Variants in KIRREL1 observed in about 807,000 individuals in gnomAD.
KIRREL1 encodes the protein kirre like nephrin family adhesion molecule 1.
In KIRREL1, 25 loss-of-function variants were observed where a neutral mutation model predicts 83.3. That is an observed-to-expected ratio of 0.30 (90% CI 0.22 to 0.42). The LOEUF (loss-of-function observed/expected upper bound fraction) is 0.42, where lower values mean the gene tolerates loss of function less well. Among genes scored for constraint, KIRREL1 ranks in the 10% least tolerant of loss-of-function variants. The probability of loss-of-function intolerance (pLI) is 1.00; values close to 1 mark genes in which losing one functional copy is unlikely to be tolerated. For missense variants in KIRREL1, 812 were observed against 1,032.3 expected (o/e 0.79, Z 2.92); for synonymous variants, 388 against 410.4 (o/e 0.95, Z 0.66).
chr1:158,088,100 G>A lies in KIRREL1; in HGVS notation c.862G>A (p.Glu288Lys). The A allele has an allele frequency of 6.2e-7, 1 of 1,614,198 alleles. No individual in the cohort carries two copies. The highest frequency in any genetic ancestry group is 1.3e-5 in the African/African-American group (1 of 75,044). The change falls in exon 7 of 15, where the codon GAG becomes AAG. Residue 288 changes from glutamate (E) to lysine (K), a missense_variant. Physicochemically the swap from Glu to Lys is moderately conservative, Grantham distance 56 (BLOSUM62 1). This residue lies in a region of KIRREL1 where 472 missense variants were observed against 626.8 expected (regional missense o/e 0.75). Coordinates refer to ENST00000359209, the MANE Select transcript of KIRREL1 (RefSeq NM_018240.7). ...YSFFTEPVSCEVHNKVGSTNV... is the reference protein window; with the variant it reads ...YSFFTEPVSCKVHNKVGSTNV... ...CTTTTTCACGGAGCCTGTGTCTTGTGAGGTTCACAACAAAGTGGGAAGCAC... is the reference window on the plus strand; with the variant it reads ...CTTTTTCACGGAGCCTGTGTCTTGTAAGGTTCACAACAAAGTGGGAAGCAC...
At chr1:158,040,295 A>C (rs772182895) in intron 1 of KIRREL1, among the ~76,000 whole-genome samples, 7 of 152,350 alleles carry the variant, frequency 4.6e-5, no homozygotes, top group Admixed American at 2.0e-4. Context: ...CTGGGGAAAG[A>C]GACATGTGGG....
At chr1:158,041,211 C>A (rs1660617206) in intron 1 of KIRREL1, among the ~76,000 whole-genome samples, 1 of 152,132 alleles carries the variant, frequency 6.6e-6, no homozygotes, top group Non-Finnish European at 1.5e-5. Context: ...CCTGTAGAGG[C>A]CTTGGGGAGG....
intron 1 of KIRREL1, among the ~76,000 whole-genome samples, chr1:158,072,962 A>G (rs576581690): frequency 6.0e-4 from 91 of 152,288 alleles, no homozygotes; most frequent in Middle Eastern, 6.8e-3. Context: ...TCAAGAAGCC[A>G]CTAAAAACCC....
Position 158,089,586 on chromosome 1 carries a change from C to G in KIRREL1, c.1129C>G (p.Arg377Gly), listed in dbSNP as rs761157828. Reference protein sequence around the residue: ...GTYTCRAIVPRIGVAEREVPL... With the variant: ...GTYTCRAIVPGIGVAEREVPL... ...CTACACCTGCCGGGCCATCGTGCCT[C>G]GAATCGGAGTGGCTGAGCGGGAGGT... The change falls in exon 9 of 15, where the codon CGA becomes GGA. Residue 377 changes from arginine to glycine, a missense_variant. Physicochemically the swap from Arg to Gly is moderately radical, Grantham distance 125 (BLOSUM62 -2). Transcript: ENST00000359209. 2 of 1,613,896 alleles carry G rather than the reference C, an allele frequency of 1.2e-6. No homozygotes were observed. Among genetic ancestry groups the G allele is most frequent in the Non-Finnish European group, 1.7e-6 (2 of 1,179,914 alleles).
At chr1:158,052,611 C>G (rs1402594489) in intron 1 of KIRREL1, among the ~76,000 whole-genome samples, 1 of 149,930 alleles carries the variant, frequency 6.7e-6, no homozygotes, top group Non-Finnish European at 1.5e-5. Context: ...AACCCCATCT[C>G]TACTAAAAAT....
intron 1 of KIRREL1, among the ~76,000 whole-genome samples, chr1:158,002,465 A>T (rs773908592): frequency 6.6e-6 from 1 of 152,198 alleles, no homozygotes; most frequent in Non-Finnish European, 1.5e-5. Context: ...CTAGGAAGTG[A>T]GCTCTGGTTT....
chr1:158,069,344 G>A (rs1558009723), intron 1 of KIRREL1, among the ~76,000 whole-genome samples: 1 of 136,852 alleles, frequency 7.3e-6, no homozygotes, highest in East Asian at 2.3e-4. Flanking sequence ...GTGTGTGTGT[G>A]AATCTAAGCA....
intron 1 of KIRREL1, among the ~76,000 whole-genome samples, chr1:158,033,446 G>A (rs1381359952): frequency 6.6e-6 from 1 of 152,182 alleles, no homozygotes; most frequent in East Asian, 1.9e-4. Flanking sequence ...GGCTTTCCAT[G>A]AGTGGCCGCC....
At chr1:158,016,849 A>T in intron 1 of KIRREL1, among the ~76,000 whole-genome samples, 1 of 152,216 alleles carries the variant, frequency 6.6e-6, no homozygotes, top group East Asian at 1.9e-4. Flanking sequence ...CAATAGGGTA[A>T]GACAAGAGGA....
At chr1:158,060,898 A>G (rs1179617793) in intron 1 of KIRREL1, among the ~76,000 whole-genome samples, 2 of 152,110 alleles carry the variant, frequency 1.3e-5, no homozygotes, top group Non-Finnish European at 2.9e-5. Flanking sequence ...GCTGGATGAA[A>G]TACCCAAATT....
At chr1:157,995,156 T>C (rs867811176) in intron 1 of KIRREL1, among the ~76,000 whole-genome samples, 48 of 152,094 alleles carry the variant, frequency 3.2e-4, no homozygotes, top group Middle Eastern at 3.2e-3. Context: ...CGTTTGTAGG[T>C]GGTGTGTTAT....
intron 1 of KIRREL1, among the ~76,000 whole-genome samples, chr1:158,049,367 T>A (rs1286824180): frequency 6.6e-6 from 1 of 152,098 alleles, no homozygotes. Flanking sequence ...TGGAACTGTG[T>A]CTTGATGGAT....
intron 1 of KIRREL1, among the ~76,000 whole-genome samples, chr1:158,039,499 C>T (rs746211194): frequency 1.3e-5 from 2 of 152,092 alleles, no homozygotes; most frequent in African/African-American, 2.4e-5. Flanking sequence ...AAAGGCTGAG[C>T]GGGATGTGAG....
At chr1:158,046,143 A>G (rs1000829318) in intron 1 of KIRREL1, among the ~76,000 whole-genome samples, 2 of 152,222 alleles carry the variant, frequency 1.3e-5, no homozygotes, top group African/African-American at 4.8e-5. Flanking sequence ...TTAAGCAGCT[A>G]CTGCAGTAAT....
At chr1:158,033,157 T>G (rs1272022950) in intron 1 of KIRREL1, among the ~76,000 whole-genome samples, 1 of 152,144 alleles carries the variant, frequency 6.6e-6, no homozygotes, top group East Asian at 1.9e-4. Flanking sequence ...CTGCAACCTC[T>G]GCCTCCCAGG....
chr1:158,000,939 A>T (rs896349983), intron 1 of KIRREL1, among the ~76,000 whole-genome samples: 9 of 152,096 alleles, frequency 5.9e-5, no homozygotes, highest in African/African-American at 2.2e-4. Context: ...TCCTTTTGCA[A>T]TCTGGCTCTG....
At chr1:158,087,072 C>T (rs1662038614) in intron 5 of KIRREL1, among the ~76,000 whole-genome samples, 1 of 152,154 alleles carries the variant, frequency 6.6e-6, no homozygotes, top group East Asian at 1.9e-4. Context: ...CTTATTCAAA[C>T]TAAAAGTGGT....
intron 5 of KIRREL1, among the ~76,000 whole-genome samples, chr1:158,087,554 T>C (rs1008513406): frequency 1.3e-5 from 2 of 152,178 alleles, no homozygotes; most frequent in African/African-American, 2.4e-5. Flanking sequence ...GGTGCCTTCA[T>C]TGGTGGTCAC....
At position 158,009,524 on chromosome 1, in the gene KIRREL1, C is replaced by T. The variant is rs555468291; in HGVS notation, c.52+15796C>T. On this transcript the variant is annotated intron_variant, in intron 1 of 14. Coordinates refer to ENST00000359209, the MANE Select transcript of KIRREL1 (RefSeq NM_018240.7). ...AAAGCACCTGGCTTAGCAGACAGCACATAAAGCAAGTTAGTTTCTTAACAA... is the reference window on the plus strand; with the variant it reads ...AAAGCACCTGGCTTAGCAGACAGCATATAAAGCAAGTTAGTTTCTTAACAA... Among the ~76,000 whole-genome samples, 3 of 152,306 alleles carry T rather than the reference C, an allele frequency of 2.0e-5. No homozygotes were observed. The East Asian group carries it at 5.8e-4, about 29-fold the overall frequency.
Sources: gnomAD v4.1 joint callset for allele counts (sites outside exome capture counted in the v4.1 genomes callset) on GRCh38, gnomAD v4.1.1 for gene constraint, gnomAD v4.1.1 regional missense constraint, MANE v1.5 for transcripts, NCBI Gene and HGNC (gene_info 2026-07-23, HGNC 2026-07-21) for gene names.